The following FNDC1 variants were observed in gnomAD, a reference collection of about 807,000 sequenced individuals.
FNDC1 encodes fibronectin type III domain-containing protein 1.
In FNDC1, 96 loss-of-function variants were observed where a neutral mutation model predicts 168.0. The observed-to-expected ratio is 0.57, with a 90% CI of 0.48 to 0.68. FNDC1 has a LOEUF of 0.68. FNDC1 is among the 30% of genes least tolerant of loss of function. The pLI is 0.00. For synonymous variants in FNDC1, 1,099 were observed against 1,025.9 expected (o/e 1.07, Z -1.36); for missense variants, 2,587 against 2,482.1 (o/e 1.04, Z -0.90).
chr6:159,239,762 ACGACCACCACCCGCCG>A lies in FNDC1; in HGVS notation c.4428_4443del (p.Thr1477ArgfsTer45), dbSNP rs1562304689. 4.0e-4 allele frequency: 15 copies of A among 37,712 alleles called. No homozygotes were observed. The highest frequency in any genetic ancestry group is 1.4e-3 in the Admixed American group (1 of 718). The allele number at this position is 37,712 out of a possible 1,614,324, so 2.3% of individuals were successfully genotyped here. ...GCCCACCACTGCCACCACCCGCCGC[ACGACCACCACCCGCCG>A]CACGACCACCAGGCGTCCAACAACC... On this transcript the variant is annotated frameshift_variant, in exon 14 of 23. Transcript: ENST00000297267. LOFTEE classifies it high-confidence loss of function.
intron 1 of FNDC1, among the ~76,000 whole-genome samples, chr6:159,187,453 A>C (rs1369902595): frequency 6.6e-6 from 1 of 152,116 alleles, no homozygotes; most frequent in South Asian, 2.1e-4. Context: ...GTTTGATTTT[A>C]TTTTTTGTAC....
At chr6:159,189,728 A>C (rs1174936356) in intron 1 of FNDC1, among the ~76,000 whole-genome samples, 2 of 152,158 alleles carry the variant, frequency 1.3e-5, no homozygotes, top group Non-Finnish European at 2.9e-5. Context: ...TTGGACTTTA[A>C]TTTCTTTCGG....
chr6:159,239,849 C>T lies in FNDC1; in HGVS notation c.4513C>T (p.Pro1505Ser), dbSNP rs1336959021. The change falls in exon 14 of 23, where the codon CCC (proline) becomes TCC (serine). Residue 1505 changes from proline to serine, a missense_variant. By Grantham distance (74) the Pro-to-Ser change is moderately conservative. Coordinates refer to ENST00000297267, the MANE Select transcript of FNDC1 (RefSeq NM_032532.3). Reference sequence around the variant, plus strand: ...GACAACCACCACCACCACCCCCACACCCACCACTCCCATCCCCACCTGTCC... The same window carrying T: ...GACAACCACCACCACCACCCCCACATCCACCACTCCCATCCCCACCTGTCC... ...TRTTTTTTPT[P>S]TTPIPTCPPG... 2.6e-6 allele frequency: 4 copies of T among 1,548,886 alleles called. No homozygotes were observed. The highest frequency in any genetic ancestry group is 2.7e-5 in the African/African-American group (2 of 73,060).
At chr6:159,208,538 C>A (rs974830945) in intron 4 of FNDC1, among the ~76,000 whole-genome samples, 6 of 152,198 alleles carry the variant, frequency 3.9e-5, no homozygotes. Flanking sequence ...TGGATGACCA[C>A]CGTCTTGGCA....
intron 22 of FNDC1, 48 bp from the exon 23 acceptor site, chr6:159,271,279 T>A: frequency 7.6e-7 from 1 of 1,320,438 alleles, no homozygotes; most frequent in Non-Finnish European, 1.1e-6. Context: ...TTCTACCTGT[T>A]GGTTCAGGGG....
chr6:159,222,377 T>C (rs541273751), intron 6 of FNDC1, among the ~76,000 whole-genome samples: 1 of 152,366 alleles, frequency 6.6e-6, no homozygotes, highest in East Asian at 1.9e-4. Flanking sequence ...TCTCTTATTA[T>C]TGATGAATTG....
intron 22 of FNDC1, among the ~76,000 whole-genome samples, chr6:159,269,252 TCTATCATC>T (rs1777667217): frequency 3.4e-5 from 4 of 118,750 alleles, no homozygotes; most frequent in African/African-American, 1.6e-4. Flanking sequence ...TATCTATCCA[TCTATCATC>T]TATCTATCTA....
At position 159,265,066 on chromosome 6, in the gene FNDC1, A is replaced by G. The variant is rs1189306365; in HGVS notation, c.5284+62A>G. ...AATCAAGTTGAATATTGAATATGAG[A>G]TTGTTGTGATTACTCACAATTAGAA... On this transcript the variant is annotated intron_variant, in intron 20 of 22. Coordinates refer to ENST00000297267, the MANE Select transcript of FNDC1 (RefSeq NM_032532.3). The G allele has an allele frequency of 3.7e-6, 5 of 1,365,308 alleles. No homozygotes were observed. In the African/African-American group the frequency reaches 5.7e-5, roughly 16 times the overall value. The allele number at this position is 1,365,308 out of a possible 1,614,324, so 84.6% of individuals were successfully genotyped here. A position where few individuals can be genotyped will look rare whatever the true frequency, so the allele number is the denominator to read the frequency against.
At chr6:159,201,180 T>A (rs1472851640) in intron 4 of FNDC1, among the ~76,000 whole-genome samples, 2 of 152,254 alleles carry the variant, frequency 1.3e-5, no homozygotes, top group Admixed American at 1.3e-4. Context: ...AAAAATAATG[T>A]AAAATGAATG....
intron 1 of FNDC1, among the ~76,000 whole-genome samples, chr6:159,179,179 C>G (rs1373089950): frequency 3.3e-5 from 5 of 152,222 alleles, no homozygotes; most frequent in Admixed American, 3.3e-4. Flanking sequence ...GGGTTGATAG[C>G]TGGGTGCAGT....
intron 17 of FNDC1, among the ~76,000 whole-genome samples, chr6:159,254,034 C>G (rs1263248697): frequency 6.6e-6 from 1 of 152,228 alleles, no homozygotes; most frequent in Non-Finnish European, 1.5e-5. Context: ...TGACTCTCCT[C>G]TAGGGAACAG....
chr6:159,257,195 C>G (rs1419818180), intron 18 of FNDC1, among the ~76,000 whole-genome samples: 1 of 152,212 alleles, frequency 6.6e-6, no homozygotes, highest in African/African-American at 2.4e-5. Flanking sequence ...AGCACAAAGA[C>G]AGTGACTGTT....
intron 4 of FNDC1, among the ~76,000 whole-genome samples, chr6:159,207,706 G>C (rs1782517557): frequency 6.6e-6 from 1 of 152,210 alleles, no homozygotes; most frequent in African/African-American, 2.4e-5. Context: ...GTGTGTGTTG[G>C]AGAACAGTTA....
Position 159,271,553 on chromosome 6 carries a change from C to A in FNDC1, c.*111C>A. 1 of 782,652 alleles carries A rather than the reference C, an allele frequency of 1.3e-6. No homozygotes were observed. The highest frequency in any genetic ancestry group is 2.2e-6 in the Non-Finnish European group (1 of 460,184). The allele number at this position is 782,652 out of a possible 1,614,324, so 48.5% of individuals were successfully genotyped here. ...TGCTCAGCCCCGCTGCCCTAGGTGC[C>A]AGGAAGGTCATAGATGGACACTGGC... On this transcript the variant is annotated 3_prime_UTR_variant, in exon 23 of 23. Coordinates refer to ENST00000297267, the MANE Select transcript of FNDC1 (RefSeq NM_032532.3).
intron 9 of FNDC1, among the ~76,000 whole-genome samples, chr6:159,227,061 T>A (rs1782969225): frequency 6.6e-6 from 1 of 152,228 alleles, no homozygotes; most frequent in South Asian, 2.1e-4. Context: ...TATGTATTTA[T>A]TGATGTCAAG....
At chr6:159,242,017 C>G (rs551324708) in intron 14 of FNDC1, among the ~76,000 whole-genome samples, 1 of 152,228 alleles carries the variant, frequency 6.6e-6, no homozygotes, top group East Asian at 1.9e-4. Context: ...TTTACTATTA[C>G]AAAGATACAT....
intron 20 of FNDC1, among the ~76,000 whole-genome samples, chr6:159,265,478 G>A (rs578208575): frequency 6.6e-6 from 1 of 152,164 alleles, no homozygotes; most frequent in Non-Finnish European, 1.5e-5. Flanking sequence ...TGCCATTACA[G>A]CTTATTTTCC....
chr6:159,222,789 C>T (rs981745390), intron 6 of FNDC1, among the ~76,000 whole-genome samples: 2 of 152,128 alleles, frequency 1.3e-5, no homozygotes, highest in Non-Finnish European at 2.9e-5. Context: ...ATGCCATGAT[C>T]ATCAAGGAAA....
chr6:159,208,844 A>ATTTT (rs369408600), intron 4 of FNDC1, among the ~76,000 whole-genome samples: 29,340 of 127,426 alleles, frequency 0.23, 3,523 homozygotes, highest in East Asian at 0.54. Flanking sequence ...GTTATTTTTA[A>ATTTT]TTTTTTTTTT....
Sources: gnomAD v4.1 joint callset for allele counts (sites outside exome capture counted in the v4.1 genomes callset) on GRCh38, gnomAD v4.1.1 for gene constraint, MANE v1.5 for transcripts, NCBI Gene and HGNC (gene_info 2026-07-23, HGNC 2026-07-21) for gene names.